NEDD9: variants seen among roughly 807,000 people sequenced by gnomAD.
NEDD9 encodes the protein neural precursor cell expressed, developmentally down-regulated 9.
NEDD9 carries 26 observed loss-of-function variants against 76.6 expected under a neutral mutation model. The ratio of observed to expected loss-of-function variants is 0.34; its 90% CI spans 0.25 to 0.47. The LOEUF is 0.47. Among genes scored for constraint, NEDD9 ranks in the 20% least tolerant of loss-of-function variants. NEDD9 has a pLI of 1.00. For missense variants in NEDD9, 937 were observed against 1,058.5 expected (o/e 0.89, Z 1.59); for synonymous variants, 392 against 414.2 (o/e 0.95, Z 0.65).
Position 11,192,347 on chromosome 6 carries a change from C to T in NEDD9, c.661G>A (p.Gly221Arg). The change falls in exon 4 of 7, where the codon GGG (glycine) becomes AGG (arginine). Residue 221 changes from glycine (G) to arginine (R), a missense_variant and splice_region_variant. Transcript: ENST00000379446. ...QGVYDIPPTK[G>R]VYAIPPSACR... ...CTGCTTTGTAGTCACTCACTCACCC[C>T]TTTTGTAGGCGGGATGTCATACACC... 2 of 1,586,436 alleles carry T rather than the reference C, an allele frequency of 1.3e-6. No individual in the cohort carries two copies. Among genetic ancestry groups the T allele is most frequent in the East Asian group, 4.6e-5 (2 of 43,014 alleles).
rs1483444027 is a variant in NEDD9, at chr6:11,370,095, G to A, written c.-214+12044C>T. 6.6e-6 allele frequency among the ~76,000 whole-genome samples: 1 copy of A among 152,164 alleles called. No homozygotes were observed. Among genetic ancestry groups the A allele is most frequent in the Non-Finnish European group, 1.5e-5 (1 of 68,030 alleles). On this transcript the variant is annotated intron_variant, in intron 1 of 3. Coordinates refer to the NEDD9 transcript ENST00000397378. This position sits in a 1 kb window ranked among gnomAD's most constrained non-coding sequence, Gnocchi z 4.2. ...AATATCATTAGGGATGTCAACTGAG[G>A]TATATAAAGAGTCTTTTCCCTAAGG...
At chr6:11,356,012 T>TGC (rs1561845986) in intron 1 of NEDD9, among the ~76,000 whole-genome samples, 4 of 151,666 alleles carry the variant, frequency 2.6e-5, no homozygotes, top group Admixed American at 6.6e-5. Flanking sequence ...TGAGCCACCA[T>TGC]GCCCGGCCGA....
chr6:11,273,054 C>T (rs959200045), intron 3 of NEDD9, among the ~76,000 whole-genome samples: 3 of 151,948 alleles, frequency 2.0e-5, no homozygotes, highest in African/African-American at 7.3e-5. Context: ...TGCTTGTTTT[C>T]CAGTCTTCGT....
chr6:11,223,107 A>G (rs1388522566), intron 1 of NEDD9, among the ~76,000 whole-genome samples: 1 of 152,202 alleles, frequency 6.6e-6, no homozygotes. Context: ...TACAGTGTAC[A>G]GGACAGCCCC....
intron 1 of NEDD9, among the ~76,000 whole-genome samples, chr6:11,229,873 T>C (rs747468182): frequency 1.1e-4 from 17 of 152,234 alleles, no homozygotes; most frequent in Admixed American, 4.6e-4. Flanking sequence ...CTGCCTGGCC[T>C]GAAGCTATGT....
intron 2 of NEDD9, among the ~76,000 whole-genome samples, chr6:11,206,378 C>T (rs1046321803): frequency 3.3e-5 from 5 of 152,086 alleles, no homozygotes; most frequent in Admixed American, 3.3e-4. Context: ...AAGATTGCGC[C>T]ATTGCATTCC....
At chr6:11,216,564 G>A (rs530841152) in intron 1 of NEDD9, among the ~76,000 whole-genome samples, 1 of 152,324 alleles carries the variant, frequency 6.6e-6, no homozygotes, top group East Asian at 1.9e-4. Flanking sequence ...CCTTGTTACT[G>A]GGCTCAGTTC....
Position 11,268,089 on chromosome 6 carries a change from G to A in NEDD9, c.12+37903C>T, listed in dbSNP as rs145022335. ...CTGTCGCCCAGGCTGGAGTGCAGTG[G>A]CGCGATCTCGGCTTGCTGCAGCCTC... On this transcript the variant is annotated intron_variant, in intron 3 of 3. Transcript: ENST00000397378. Among the ~76,000 whole-genome samples, 7 of 152,210 alleles carry A rather than the reference G, an allele frequency of 4.6e-5. No individual in the cohort carries two copies. In the East Asian group the frequency reaches 1.4e-3, roughly 29 times the overall value.
chr6:11,229,698 A>G (rs898101931), intron 1 of NEDD9, among the ~76,000 whole-genome samples: 1 of 152,244 alleles, frequency 6.6e-6, no homozygotes, highest in African/African-American at 2.4e-5. Context: ...ATCCCTTCTA[A>G]GAGAAATGGA....
intron 5 of NEDD9, among the ~76,000 whole-genome samples, 158 bp from the exon 6 acceptor site, chr6:11,188,465 G>A (rs1221072586): frequency 1.3e-5 from 2 of 152,146 alleles, no homozygotes; most frequent in Admixed American, 6.5e-5. Context: ...CGACAGGGGT[G>A]GCAGAAAAAT....
At chr6:11,229,130 C>G (rs1262045692) in intron 1 of NEDD9, among the ~76,000 whole-genome samples, 1 of 152,204 alleles carries the variant, frequency 6.6e-6, no homozygotes, top group African/African-American at 2.4e-5. Context: ...TTTCCCTGAC[C>G]TACCCCATTC....
At chr6:11,321,232 G>A (rs1290388279) in intron 2 of NEDD9, among the ~76,000 whole-genome samples, 2 of 149,174 alleles carry the variant, frequency 1.3e-5, no homozygotes, top group Admixed American at 6.7e-5. Flanking sequence ...AGGAAGGAAG[G>A]GAGGGAGGGA....
upstream of NEDD9, among the ~76,000 whole-genome samples, chr6:11,236,279 C>T (rs1327202476): frequency 1.3e-5 from 2 of 152,174 alleles, no homozygotes; most frequent in African/African-American, 2.4e-5. The surrounding 1 kb of genome is among the most constrained non-coding windows in gnomAD (Gnocchi z 5.5). Context: ...TGGGCATCCC[C>T]TCCTGTCATC....
At chr6:11,194,826 T>C (rs1310005250) in intron 2 of NEDD9, among the ~76,000 whole-genome samples, 1 of 152,236 alleles carries the variant, frequency 6.6e-6, no homozygotes, top group African/African-American at 2.4e-5. Context: ...TTCATTGGTG[T>C]GCTAAGCACC....
chr6:11,371,852 G>C (rs887658654), intron 1 of NEDD9, among the ~76,000 whole-genome samples: 14 of 152,104 alleles, frequency 9.2e-5, no homozygotes, highest in Admixed American at 7.9e-4. Context: ...AAAAAATTCA[G>C]TGGATACATA....
chr6:11,342,165 G>A (rs1413252282), intron 1 of NEDD9, among the ~76,000 whole-genome samples: 1 of 151,542 alleles, frequency 6.6e-6, no homozygotes, highest in Admixed American at 6.6e-5. Context: ...AAAATATTAA[G>A]GAAAAAATGA....
At chr6:11,238,962 C>A (rs1042449495) in intron 3 of NEDD9, among the ~76,000 whole-genome samples, 2 of 152,054 alleles carry the variant, frequency 1.3e-5, no homozygotes, top group African/African-American at 4.8e-5. Flanking sequence ...GAGTTTGAGA[C>A]CAGCCTGGGC....
intron 2 of NEDD9, among the ~76,000 whole-genome samples, chr6:11,202,676 C>G (rs949817627): frequency 2.0e-5 from 3 of 152,196 alleles, no homozygotes; most frequent in African/African-American, 7.2e-5. Flanking sequence ...ACTTGCATAG[C>G]AACAATATAA....
intron 1 of NEDD9, among the ~76,000 whole-genome samples, chr6:11,342,302 C>T (rs371866759): frequency 6.6e-6 from 1 of 151,594 alleles, no homozygotes; most frequent in Admixed American, 6.6e-5. Flanking sequence ...CAAGAGCTTC[C>T]CAAAATTTTA....
Sources: allele counts gnomAD v4.1 joint callset (sites outside exome capture counted in the v4.1 genomes callset), GRCh38; gene constraint gnomAD v4.1.1; non-coding constraint Gnocchi (gnomAD v3.1); transcripts MANE v1.5; gene names NCBI Gene and HGNC (gene_info 2026-07-23, HGNC 2026-07-21).